Variants in SYK observed in about 807,000 individuals in gnomAD.
SYK encodes the protein tyrosine-protein kinase SYK.
SYK carries 16 observed loss-of-function variants against 77.8 expected under a neutral mutation model. That is an observed-to-expected ratio of 0.21 (90% confidence interval 0.14 to 0.31). SYK has a LOEUF of 0.31. Among genes scored for constraint, SYK ranks in the 10% least tolerant of loss-of-function variants. SYK has a pLI of 1.00. For missense variants in SYK, 529 were observed against 814.4 expected (o/e 0.65, Z 4.26); for synonymous variants, 312 against 308.7 (o/e 1.01, Z -0.11).
At chr9:90,833,460 C>T (rs1369013479) in intron 1 of SYK, among the ~76,000 whole-genome samples, 1 of 152,164 alleles carries the variant, frequency 6.6e-6, no homozygotes, top group Non-Finnish European at 1.5e-5. Context: ...GCCTATAGAG[C>T]TCAGCCCCCC....
chr9:90,864,997 G>A (rs1226101263), intron 5 of SYK, 51 bp from the exon 6 acceptor site: 2 of 1,571,736 alleles, frequency 1.3e-6, no homozygotes, highest in Non-Finnish European at 1.8e-6. Context: ...GGAGGGGAAG[G>A]AAGTGGTTTC....
intron 1 of SYK, 42 bp from the exon 2 acceptor site, chr9:90,843,816 C>T (rs2118626478): frequency 3.6e-6 from 5 of 1,380,044 alleles, no homozygotes; most frequent in Non-Finnish European, 1.9e-6. Context: ...TTCCCTGCCA[C>T]GTGGGGTCCT....
rs527412753 is a variant in SYK, at chr9:90,822,215, A to G, written c.-42+20322A>G. 1.2e-4 allele frequency among the ~76,000 whole-genome samples: 19 copies of G among 152,342 alleles called. No individual in the cohort carries two copies. The South Asian group carries it at 2.9e-3, about 23-fold the overall frequency. On this transcript the variant is annotated intron_variant, in intron 1 of 13. Coordinates refer to ENST00000375754, the MANE Select transcript of SYK (RefSeq NM_003177.7). ...CAAGTTAAATTTTACTGTTTTTGTA[A>G]GAGATATGTTTTCGAAACAGTTGAA...
chr9:90,839,717 T>C (rs557760979), intron 1 of SYK, among the ~76,000 whole-genome samples: 10 of 152,220 alleles, frequency 6.6e-5, no homozygotes, highest in African/African-American at 1.4e-4. Context: ...TGGTGCAGTC[T>C]GCTGTTCTGC....
chr9:90,893,299 T>C (rs767594653), intron 13 of SYK, among the ~76,000 whole-genome samples: 1 of 152,118 alleles, frequency 6.6e-6, no homozygotes, highest in Non-Finnish European at 1.5e-5. Context: ...TTCTCACAGT[T>C]GCCTGCAGCA....
intron 11 of SYK, among the ~76,000 whole-genome samples, chr9:90,880,745 G>T (rs1828118708): frequency 6.6e-6 from 1 of 152,254 alleles, no homozygotes; most frequent in Admixed American, 6.5e-5. Flanking sequence ...GGGCCAGGTA[G>T]GCAGGGTTCA....
intron 13 of SYK, among the ~76,000 whole-genome samples, chr9:90,893,249 T>C (rs1281206373): frequency 2.6e-5 from 4 of 152,194 alleles, no homozygotes; most frequent in Non-Finnish European, 5.9e-5. Context: ...ATATCACGTG[T>C]ATATATGGGG....
At chr9:90,869,228 A>C (rs1344144640) in intron 7 of SYK, among the ~76,000 whole-genome samples, 4 of 152,204 alleles carry the variant, frequency 2.6e-5, no homozygotes, top group Non-Finnish European at 5.9e-5. Flanking sequence ...AGAAAATTAA[A>C]TAGTAGAGAG....
chr9:90,889,661 G>T (rs1828717079), intron 13 of SYK, among the ~76,000 whole-genome samples: 1 of 152,248 alleles, frequency 6.6e-6, no homozygotes, highest in Admixed American at 6.5e-5. Flanking sequence ...GTGGGTATAT[G>T]CTTCCCTGCC....
intron 9 of SYK, among the ~76,000 whole-genome samples, chr9:90,877,234 G>C (rs1232027368): frequency 6.6e-6 from 1 of 151,952 alleles, no homozygotes; most frequent in African/African-American, 2.4e-5. Context: ...TAGAGATGGG[G>C]GTCTCACTAT....
At chr9:90,855,590 T>C (rs1826996449) in intron 3 of SYK, among the ~76,000 whole-genome samples, 1 of 152,204 alleles carries the variant, frequency 6.6e-6, no homozygotes, top group Non-Finnish European at 1.5e-5. Flanking sequence ...TCTATTCTTA[T>C]TGTTCATTGG....
chr9:90,883,865 G>T (rs182390566), intron 11 of SYK, among the ~76,000 whole-genome samples: 7 of 152,224 alleles, frequency 4.6e-5, no homozygotes, highest in Non-Finnish European at 2.9e-5. Context: ...CCAAGGGTCA[G>T]CCTTCTTAGA....
intron 3 of SYK, among the ~76,000 whole-genome samples, chr9:90,853,678 A>T (rs1277189213): frequency 1.3e-5 from 2 of 152,076 alleles, no homozygotes; most frequent in Non-Finnish European, 2.9e-5. Context: ...CATTGAGAAC[A>T]CATGGACACA....
In SYK at chr9:90,895,566, G is replaced by A. The variant is rs763412620; in HGVS notation, c.1874G>A (p.Arg625Gln). 3.7e-6 allele frequency: 6 copies of A among 1,614,016 alleles called. No homozygotes were observed. The highest frequency in any genetic ancestry group is 2.2e-5 in the East Asian group (1 of 44,894). Reference protein sequence around the residue: ...NRPGFAAVELRLRNYYYDVVN With the variant: ...NRPGFAAVELQLRNYYYDVVN ...CCCGGATTCGCAGCAGTGGAACTGC[G>A]GCTGCGCAATTACTACTATGACGTG... Residue 625 changes from arginine (R) to glutamine (Q), a missense_variant, in exon 14 of 14, where the codon CGG (arginine) becomes CAG (glutamine). Around this residue, in one of 2 missense-constraint regions of SYK, gnomAD observed 208 missense variants for 381.3 expected, o/e 0.55. Transcript: ENST00000375754. The surrounding 1 kb of genome is among the most constrained non-coding windows in gnomAD (Gnocchi z 4.4).
chr9:90,884,631 A>G (rs1174279124), intron 11 of SYK, among the ~76,000 whole-genome samples: 5 of 78,386 alleles, frequency 6.4e-5, no homozygotes, highest in African/African-American at 2.4e-4. Context: ...ACATATGTGT[A>G]CATGTACATA....
chr9:90,828,184 A>G (rs1825725314), intron 1 of SYK, among the ~76,000 whole-genome samples: 1 of 144,076 alleles, frequency 6.9e-6, no homozygotes, highest in Admixed American at 7.1e-5. Flanking sequence ...CAGACAAGAG[A>G]TGTTAGGTCT....
At chr9:90,854,650 C>T (rs1191112190) in intron 3 of SYK, among the ~76,000 whole-genome samples, 2 of 152,040 alleles carry the variant, frequency 1.3e-5, no homozygotes, top group Non-Finnish European at 2.9e-5. Context: ...AGATAAAAAG[C>T]GCAGAAACCC....
intron 1 of SYK, among the ~76,000 whole-genome samples, chr9:90,802,466 G>A (rs1826768005): frequency 1.3e-5 from 2 of 152,260 alleles, no homozygotes; most frequent in South Asian, 2.1e-4. Flanking sequence ...AATTACTCTT[G>A]TGGATACATT....
chr9:90,885,419 T>A (rs1217228982), intron 11 of SYK, among the ~76,000 whole-genome samples: 1 of 152,052 alleles, frequency 6.6e-6, no homozygotes, highest in Admixed American at 6.5e-5. Context: ...ATAGACTAGA[T>A]CAGGCAAAAG....
Sources: allele counts gnomAD v4.1 joint callset (sites outside exome capture counted in the v4.1 genomes callset), GRCh38; gene constraint gnomAD v4.1.1; regional missense constraint gnomAD v4.1.1; non-coding constraint Gnocchi (gnomAD v3.1); transcripts MANE v1.5; gene names NCBI Gene and HGNC (gene_info 2026-07-23, HGNC 2026-07-21).